Variants in U2AF2 observed in about 807,000 individuals in gnomAD.
The protein encoded by U2AF2 is U2 small nuclear RNA auxiliary factor 2.
A neutral mutation model predicts 52.6 loss-of-function variants in U2AF2; 6 were observed. The ratio of observed to expected loss-of-function variants is 0.11; its 90% confidence interval spans 0.06 to 0.23. U2AF2 has a LOEUF of 0.23. Among genes scored for constraint, U2AF2 ranks in the 10% least tolerant of loss-of-function variants. U2AF2 has a pLI of 1.00. For missense variants in U2AF2, 222 were observed against 677.1 expected, an observed-to-expected ratio of 0.33 and a Z score of 7.46; for synonymous variants, 284 against 258.2, an observed-to-expected ratio of 1.10 and a Z score of -0.96.
chr19:55,657,161 G>A (rs1983847471), intron 1 of U2AF2, among the ~76,000 whole-genome samples: 1 of 152,220 alleles, frequency 6.6e-6, no homozygotes, highest in African/African-American at 2.4e-5. Context: ...GTTCTCCCGG[G>A]GTTTCCCTTT....
At chr19:55,657,323 A>G (rs1249488539) in intron 1 of U2AF2, among the ~76,000 whole-genome samples, 2 of 152,166 alleles carry the variant, frequency 1.3e-5, no homozygotes, top group Non-Finnish European at 2.9e-5. Flanking sequence ...GGTTCTTGCC[A>G]TAGGGGAAGC....
chr19:55,662,266 G>A (rs1046103747), intron 5 of U2AF2: 18 of 422,418 alleles, frequency 4.3e-5, no homozygotes, highest in African/African-American at 2.4e-4. Context: ...CCTGTCCATC[G>A]CCTGCCCTTG....
At chr19:55,670,186 C>G (rs1984803515) in intron 11 of U2AF2, among the ~76,000 whole-genome samples, 1 of 152,010 alleles carries the variant, frequency 6.6e-6, no homozygotes, top group Non-Finnish European at 1.5e-5. Context: ...GAGACAGGCA[C>G]AGCGGGGGTG....
intron 11 of U2AF2, 83 bp downstream of exon 11, chr19:55,669,775 C>T: frequency 6.8e-7 from 1 of 1,469,870 alleles, no homozygotes; most frequent in East Asian, 2.5e-5. Context: ...CTTGCTCCCT[C>T]ACCCTCTCCC....
At chr19:55,665,037 G>C (rs1227337752) in intron 7 of U2AF2, among the ~76,000 whole-genome samples, 1 of 152,144 alleles carries the variant, frequency 6.6e-6, no homozygotes, top group Non-Finnish European at 1.5e-5. Flanking sequence ...TCCATCATGG[G>C]TTTTGGTAAA....
At chr19:55,666,933 G>A (rs1215023624) in intron 7 of U2AF2, among the ~76,000 whole-genome samples, 3 of 152,198 alleles carry the variant, frequency 2.0e-5, no homozygotes, top group Non-Finnish European at 2.9e-5. Context: ...TCTTTGCTCT[G>A]TGCCTCAGTT....
At chr19:55,673,176 C>T (rs923595836) in intron 11 of U2AF2, among the ~76,000 whole-genome samples, 2 of 152,192 alleles carry the variant, frequency 1.3e-5, no homozygotes, top group African/African-American at 4.8e-5. Flanking sequence ...GCCTCAGCCT[C>T]CCAAAGTACT....
chr19:55,669,785 CCCT>C, intron 11 of U2AF2, 93 bp downstream of exon 11: 3 of 1,454,356 alleles, frequency 2.1e-6, no homozygotes, highest in South Asian at 1.4e-5. Flanking sequence ...CACCCTCTCC[CCCT>C]CCTCTTCTCC....
At chr19:55,669,232 C>T in intron 10 of U2AF2, 51 bp downstream of exon 10, 2 of 1,598,630 alleles carry the variant, frequency 1.3e-6, no homozygotes, top group South Asian at 2.2e-5. Context: ...GAGGGGCTGG[C>T]TAGTAGGGGA....
rs916446076 is a variant in U2AF2, at chr19:55,668,248, G to T, written c.743-259G>T. On this transcript the variant is annotated intron_variant, in intron 7 of 11. Transcript: ENST00000308924. The surrounding 1 kb of genome is among the most constrained non-coding windows in gnomAD (Gnocchi z 5.5). ...GTGCCTTTGGAGCGTTCTGGAGGAT[G>T]TTCTAGTTTGAGGTTCCCCTGAGGC... Among the ~76,000 whole-genome samples the T allele has an allele frequency of 6.6e-6, 1 of 152,138 alleles. No individual in the cohort carries two copies. Among genetic ancestry groups the T allele is most frequent in the African/African-American group, 2.4e-5 (1 of 41,420 alleles).
chr19:55,664,418 C>T (rs769632030), intron 7 of U2AF2, among the ~76,000 whole-genome samples: 1 of 152,220 alleles, frequency 6.6e-6, no homozygotes, highest in Non-Finnish European at 1.5e-5. Flanking sequence ...AGAAAGCTTG[C>T]AGGATGTGCA....
intron 7 of U2AF2, among the ~76,000 whole-genome samples, chr19:55,667,072 T>C (rs114404982): frequency 9.7e-4 from 147 of 152,286 alleles, no homozygotes; most frequent in African/African-American, 3.4e-3. Context: ...CCCTGTAGCA[T>C]AGGAGCTGGG....
rs774815420 is a variant in U2AF2 at position 55,663,600 on chromosome 19, A to G, written c.604-6A>G. On this transcript the variant is annotated splice_polypyrimidine_tract_variant and splice_region_variant and intron_variant, in intron 6 of 11. Transcript: ENST00000308924. ...ATCCCTCACCACTCCTTTCTCTTTC[A>G]TTCAGTTCCGCTCAGTGGACGAGAC... 6.2e-7 allele frequency: 1 copy of G among 1,613,536 alleles called. No homozygotes were observed. The highest frequency in any genetic ancestry group is 1.1e-5 in the South Asian group (1 of 91,008).
In U2AF2 at chr19:55,660,298, C is replaced by T. The variant is rs1021273605; in HGVS notation, c.230+77C>T. 4 of 1,522,342 alleles carry T rather than the reference C, an allele frequency of 2.6e-6. No individual in the cohort carries two copies. The African/African-American group carries it at 4.1e-5, about 16-fold the overall frequency. 94.3% of individuals were successfully genotyped at this position (1,522,342 alleles called of 1,614,324 possible). ...CCTCACGCCCGTGCACCCTGTCCCG[C>T]CCATTTCCAGCCCTGGCCCAAGCAC... On this transcript the variant is annotated intron_variant, in intron 3 of 11. Transcript: ENST00000308924.
chr19:55,670,350 C>T (rs1984817325), intron 11 of U2AF2, among the ~76,000 whole-genome samples: 1 of 151,086 alleles, frequency 6.6e-6, no homozygotes, highest in African/African-American at 2.4e-5. Flanking sequence ...GATCCCCTTG[C>T]TGGGTGTATG....
Position 55,668,398 on chromosome 19 carries a change from T to A in U2AF2, c.743-109T>A. ...ACGTGGCGACCCCTCCCTCGTCAGA[T>A]CAGGCAGGAAGTGTTCTCTTTGGCA... On this transcript the variant is annotated intron_variant, in intron 7 of 11. Transcript: ENST00000308924. The surrounding 1 kb of genome is among the most constrained non-coding windows in gnomAD (Gnocchi z 5.5). 1 of 1,110,466 alleles carries A rather than the reference T, an allele frequency of 9.0e-7. No individual in the cohort carries two copies. The highest frequency in any genetic ancestry group is 1.3e-6 in the Non-Finnish European group (1 of 791,322). 68.8% of individuals were successfully genotyped at this position (1,110,466 alleles called of 1,614,324 possible).
intron 7 of U2AF2, among the ~76,000 whole-genome samples, chr19:55,666,136 G>A (rs1267787672): frequency 6.6e-6 from 1 of 152,234 alleles, no homozygotes; most frequent in African/African-American, 2.4e-5. Context: ...CAGGGGCTGA[G>A]CTGAGGGCAA....
chr19:55,669,000 C>G lies in U2AF2; in HGVS notation c.946-83C>G. Reference sequence around the variant, plus strand: ...CTTCCCCTCTTCCCCCACCAATGCCCCGGCTTGGGGGTAGGTGTCGGGCTC... The same window carrying G: ...CTTCCCCTCTTCCCCCACCAATGCCGCGGCTTGGGGGTAGGTGTCGGGCTC... On this transcript the variant is annotated intron_variant, in intron 9 of 11. Coordinates refer to ENST00000308924, the MANE Select transcript of U2AF2 (RefSeq NM_007279.3). The surrounding 1 kb of genome is among the most constrained non-coding windows in gnomAD (Gnocchi z 5.5). 1.3e-6 allele frequency: 2 copies of G among 1,530,274 alleles called. No individual in the cohort carries two copies. The highest frequency in any genetic ancestry group is 8.9e-7 in the Non-Finnish European group (1 of 1,126,706). The allele number at this position is 1,530,274 out of a possible 1,614,324, so 94.8% of individuals were successfully genotyped here.
rs1984898016 is a variant in U2AF2 at position 55,671,197 on chromosome 19, GATTTAA to G, written c.1293+1507_1293+1512del. ...ATAATCTGGTGAAAGATGGTGATCT[GATTTAA>G]AGTAGTAGCAGGGGATGGAGAGAAG... On this transcript the variant is annotated intron_variant, in intron 11 of 11. Coordinates refer to ENST00000308924, the MANE Select transcript of U2AF2 (RefSeq NM_007279.3). Among the ~76,000 whole-genome samples the G allele has an allele frequency of 2.0e-5, 3 of 152,268 alleles. No individual in the cohort carries two copies. The South Asian group carries it at 6.2e-4, about 32-fold the overall frequency.
Sources: gnomAD v4.1 joint callset for allele counts (sites outside exome capture counted in the v4.1 genomes callset) on GRCh38, gnomAD v4.1.1 for gene constraint, Gnocchi (gnomAD v3.1) non-coding constraint, MANE v1.5 for transcripts, NCBI Gene and HGNC (gene_info 2026-07-23, HGNC 2026-07-21) for gene names.